Variants in CEP290 observed in about 807,000 individuals in gnomAD.
The protein encoded by CEP290 is centrosomal protein of 290 kDa.
Under a neutral mutation model 344.9 loss-of-function variants are expected in CEP290, and 317 were observed. The observed-to-expected ratio is 0.92, with a 90% CI of 0.84 to 1.01. The LOEUF (loss-of-function observed/expected upper bound fraction) is 1.01, where lower values mean the gene tolerates loss of function less well. Ranked by LOEUF, CEP290 falls within the 50% of genes least tolerant of loss-of-function variation. CEP290 has a pLI of 0.00. For synonymous variants in CEP290, 932 were observed against 895.8 expected (o/e 1.04, Z -0.72); for missense variants, 2,754 against 2,761.4 (o/e 1.00, Z 0.06).
chr12:88,119,519 C>A (rs1173091178), intron 15 of CEP290, among the ~76,000 whole-genome samples: 2 of 152,106 alleles, frequency 1.3e-5, no homozygotes, highest in Non-Finnish European at 2.9e-5. Flanking sequence ...TTTTAACAGG[C>A]CAGGCGCGGT....
At chr12:88,077,984 T>G (rs181738053) in intron 39 of CEP290, 66 bp from the exon 40 acceptor site, 6 of 695,994 alleles carry the variant, frequency 8.6e-6, no homozygotes, top group Non-Finnish European at 1.4e-5. Flanking sequence ...AAAAGGAACA[T>G]AAAACAGAAA....
intron 44 of CEP290, among the ~76,000 whole-genome samples, chr12:88,065,790 G>A (rs755279780): frequency 6.6e-6 from 1 of 152,144 alleles, no homozygotes; most frequent in Admixed American, 6.5e-5. Context: ...GTTACTATTA[G>A]TGATTATGGC....
chr12:88,102,971 A>T lies in CEP290; in HGVS notation c.2858T>A (p.Val953Glu). 6.3e-7 allele frequency: 1 copy of T among 1,580,196 alleles called. No homozygotes were observed. The highest frequency in any genetic ancestry group is 8.6e-7 in the Non-Finnish European group (1 of 1,168,026). The change falls in exon 26 of 54, where the codon GTA (valine) becomes GAA (glutamate). Residue 953 changes from valine (V) to glutamate (E), a missense_variant. By Grantham distance (121) the Val-to-Glu change is moderately radical. Coordinates refer to ENST00000552810, the MANE Select transcript of CEP290 (RefSeq NM_025114.4). Reference protein sequence around the residue: ...IFKIAALQKVVDNSVSLSELE... With the variant: ...IFKIAALQKVEDNSVSLSELE... ...TTCAGACAAAGAAACACTATTATCT[A>T]CAACTTTTTGGAGAGCTGCAATCTT...
rs932160752 is a variant in CEP290, at chr12:88,126,367, A to C, written c.1014T>G (p.Leu338=). 6.6e-7 allele frequency: 1 copy of C among 1,511,732 alleles called. No individual in the cohort carries two copies. The highest frequency in any genetic ancestry group is 1.4e-5 in the South Asian group (1 of 72,360). The allele number at this position is 1,511,732 out of a possible 1,614,324, so 93.6% of individuals were successfully genotyped here. ...TATCAGCATCAAGCTGAGCATTCTT[A>C]AGTTTCTCCCTTAGGTTATGTAACA... The part of the protein sequence containing the change: ...QQMLHNLREK[L]KNAQLDADKS... The change falls in exon 12 of 54, where the codon CTT becomes CTG. Residue 338 remains leucine, a synonymous_variant. Transcript: ENST00000552810.
intron 29 of CEP290, among the ~76,000 whole-genome samples, chr12:88,092,125 T>A (rs540141345): frequency 2.4e-4 from 36 of 152,312 alleles, no homozygotes; most frequent in South Asian, 6.2e-4. Context: ...CTAAACTAGC[T>A]GGGCATATTT....
chr12:88,058,868 C>G lies in CEP290; in HGVS notation c.6798G>C (p.Trp2266Cys). The stretch of plus-strand genomic sequence containing the variant: ...CCTACCTTGTAACCACAATGGATTT[C>G]CAGCTCTTACTGTCAGCACCTTCAA... ...PQLEGADSKS[W>C]KSIVVTRMYE... Residue 2266 changes from tryptophan (W) to cysteine (C), a missense_variant, in exon 49 of 54, where the codon TGG becomes TGC. Trp to Cys is a radical substitution (Grantham distance 215). Transcript: ENST00000552810. 6.2e-7 allele frequency: 1 copy of G among 1,613,794 alleles called. No individual in the cohort carries two copies. The highest frequency in any genetic ancestry group is 8.5e-7 in the Non-Finnish European group (1 of 1,179,864).
Position 88,087,951 on chromosome 12 carries a change from T to C in CEP290, c.4030-7A>G. 1 of 1,078,710 alleles carries C rather than the reference T, an allele frequency of 9.3e-7. No homozygotes were observed. The highest frequency in any genetic ancestry group is 1.2e-6 in the Non-Finnish European group (1 of 831,402). The allele number at this position is 1,078,710 out of a possible 1,614,324, so 66.8% of individuals were successfully genotyped here. ...TCATATGCCAGTTGATTACCTAAGA[T>C]TTACAATTTATATACACAAATATAA... is the stretch of plus-strand genomic sequence containing the variant. On this transcript the variant is annotated splice_region_variant and splice_polypyrimidine_tract_variant and intron_variant, in intron 31 of 53. Transcript: ENST00000552810.
intron 5 of CEP290, among the ~76,000 whole-genome samples, chr12:88,138,072 A>C: frequency 6.6e-6 from 1 of 151,772 alleles, no homozygotes; most frequent in South Asian, 2.1e-4. Context: ...ATAGTCTCTC[A>C]CTCCCACACC....
intron 28 of CEP290, 85 bp from the exon 29 acceptor site, chr12:88,092,917 C>T: frequency 7.9e-7 from 1 of 1,259,042 alleles, no homozygotes; most frequent in Non-Finnish European, 1.1e-6. Flanking sequence ...GTACTGCAAT[C>T]CTCTTTACTT....
chr12:88,072,285 C>A (rs1241622535), intron 41 of CEP290, among the ~76,000 whole-genome samples: 1 of 100,134 alleles, frequency 1.0e-5, no homozygotes, highest in Admixed American at 1.2e-4. Flanking sequence ...GTACATGAAA[C>A]AAAGTTTTGA....
chr12:88,111,725 T>A lies in CEP290; in HGVS notation c.2186A>T (p.Tyr729Phe), dbSNP rs1372332421. Residue 729 changes from tyrosine (Y) to phenylalanine (F), a missense_variant, in exon 21 of 54, where the codon TAT becomes TTT. Tyr to Phe is a conservative substitution (Grantham distance 22, BLOSUM62 3). Coordinates refer to ENST00000552810, the MANE Select transcript of CEP290 (RefSeq NM_025114.4). ...ATTAGCTTTTGCCAACTGCTGTGAA[T>A]AATTTATAGCCTCTTTCCGAGATTC... ...LRESRKEAIN[Y>F]SQQLAKANLK... 3.8e-6 allele frequency: 6 copies of A among 1,597,424 alleles called. No individual in the cohort carries two copies. In the East Asian group the frequency reaches 9.1e-5, roughly 24 times the overall value.
intron 20 of CEP290, among the ~76,000 whole-genome samples, chr12:88,113,542 C>T (rs2038841210): frequency 2.6e-5 from 4 of 151,642 alleles, no homozygotes; most frequent in Admixed American, 2.0e-4. Context: ...TTTAAAAAAA[C>T]AATTCAATAA....
At chr12:88,110,350 T>C (rs1298914344) in intron 22 of CEP290, among the ~76,000 whole-genome samples, 1 of 152,034 alleles carries the variant, frequency 6.6e-6, no homozygotes, top group Non-Finnish European at 1.5e-5. Context: ...CCCTTTCCTC[T>C]TTGGTGGTAG....
rs571563414 is a variant in CEP290 at position 88,112,724 on chromosome 12, C to G, written c.2053-866G>C. On this transcript the variant is annotated intron_variant, in intron 20 of 53. Transcript: ENST00000552810. ...CTCAGGAAGGTGATCTGGGGTTTAA[C>G]TCTAGGTAGTAGATTTGTAAAAGCC... is the stretch of plus-strand genomic sequence containing the variant. Among the ~76,000 whole-genome samples the G allele has an allele frequency of 4.6e-5, 7 of 152,144 alleles. No individual in the cohort carries two copies. The South Asian group carries it at 1.2e-3, about 27-fold the overall frequency.
At chr12:88,067,479 G>T (rs2035030348) in intron 44 of CEP290, among the ~76,000 whole-genome samples, 1 of 151,934 alleles carries the variant, frequency 6.6e-6, no homozygotes, top group African/African-American at 2.4e-5. Flanking sequence ...TCGCCTGCCT[G>T]TGCATCACCC....
chr12:88,050,858 A>G (rs1264009622), intron 52 of CEP290, among the ~76,000 whole-genome samples: 5 of 152,174 alleles, frequency 3.3e-5, no homozygotes, highest in African/African-American at 1.2e-4. Context: ...GTTATTACAC[A>G]TTTACTGTGC....
rs2039991790 is a variant in CEP290, at chr12:88,130,384, T to C, written c.553A>G (p.Lys185Glu). The change falls in exon 9 of 54, where the codon AAA becomes GAA. Residue 185 changes from lysine (K) to glutamate (E), a missense_variant. Coordinates refer to ENST00000552810, the MANE Select transcript of CEP290 (RefSeq NM_025114.4). ...GTTTCTTTCTGTGAATCTATTTGTT[T>C]CTGGTAGTCAATAATATCCTGACAA... ...QLCQDIIDYQKQIDSQKETLL... is the reference protein window; with the variant it reads ...QLCQDIIDYQEQIDSQKETLL... 4 of 1,610,142 alleles carry C rather than the reference T, an allele frequency of 2.5e-6. No homozygotes were observed. Among genetic ancestry groups the C allele is most frequent in the Non-Finnish European group, 3.4e-6 (4 of 1,178,642 alleles).
chr12:88,119,785 A>T (rs12318967), intron 15 of CEP290, among the ~76,000 whole-genome samples: 3 of 152,024 alleles, frequency 2.0e-5, no homozygotes, highest in Non-Finnish European at 2.9e-5. Flanking sequence ...TGGGTAATAC[A>T]GACCCTACTT....
intron 44 of CEP290, among the ~76,000 whole-genome samples, chr12:88,066,458 C>G (rs537474016): frequency 2.8e-5 from 4 of 142,594 alleles, no homozygotes; most frequent in African/African-American, 1.0e-4. Context: ...CACAATCACA[C>G]CCAGCTAATT....
Sources: allele counts gnomAD v4.1 joint callset (sites outside exome capture counted in the v4.1 genomes callset), GRCh38; gene constraint gnomAD v4.1.1; transcripts MANE v1.5; gene names NCBI Gene and HGNC (gene_info 2026-07-23, HGNC 2026-07-21).